The following COL4A5 variants were observed in gnomAD, a reference collection of about 807,000 sequenced individuals.
COL4A5 encodes the protein collagen type IV alpha 5 chain.
A neutral mutation model predicts 130.2 loss-of-function variants in COL4A5; 26 were observed. The ratio of observed to expected loss-of-function variants is 0.20; its 90% confidence interval spans 0.15 to 0.28. COL4A5 has a LOEUF of 0.28. COL4A5 is among the 10% of genes least tolerant of loss of function. The probability of loss-of-function intolerance (pLI) is 1.00; values close to 1 mark genes in which losing one functional copy is unlikely to be tolerated. For synonymous variants in COL4A5, 496 were observed against 439.6 expected (o/e 1.13, Z -1.60); for missense variants, 1,131 against 1,344.3 (o/e 0.84, Z 2.48).
intron 1 of COL4A5, among the ~76,000 whole-genome samples, chrX:108,450,896 A>G (rs780407276): frequency 2.7e-5 from 3 of 109,501 alleles, no homozygotes; most frequent in South Asian, 4.0e-4. Context: ...CATGTGCACA[A>G]TGTGCAGGTT....
At chrX:108,607,350 C>CAAA (rs558025535) in intron 29 of COL4A5, among the ~76,000 whole-genome samples, 1 of 49,734 alleles carries the variant, frequency 2.0e-5, no homozygotes, top group Non-Finnish European at 3.8e-5. Flanking sequence ...GACTTTGTCT[C>CAAA]AAAAAAAAAA....
At chrX:108,450,736 T>C (rs772082785) in intron 1 of COL4A5, among the ~76,000 whole-genome samples, 28 of 111,686 alleles carry the variant, frequency 2.5e-4, no homozygotes, top group Non-Finnish European at 4.5e-4. Flanking sequence ...AAATGACTAA[T>C]ACACAGTGTT....
At chrX:108,557,843 C>T (rs1404194181) in intron 2 of COL4A5, among the ~76,000 whole-genome samples, 1 of 110,348 alleles carries the variant, frequency 9.1e-6, no homozygotes, top group Non-Finnish European at 1.9e-5. Flanking sequence ...AGGCAGCCTT[C>T]GAGCCTTAGA....
chrX:108,607,545 G>C (rs757916406), intron 29 of COL4A5, among the ~76,000 whole-genome samples: 5 of 88,299 alleles, frequency 5.7e-5, no homozygotes, highest in Non-Finnish European at 1.1e-4. Context: ...GTGCAATGGC[G>C]TGATCTTGGC....
At chrX:108,539,696 A>G in intron 1 of COL4A5, 50 bp from the exon 2 acceptor site, 1 of 1,048,440 alleles carries the variant, frequency 9.5e-7, no homozygotes, top group Non-Finnish European at 1.3e-6. Context: ...TCAGAGTCTG[A>G]TTTTTGGGTT....
chrX:108,601,214 C>G (rs1255714231), intron 25 of COL4A5, among the ~76,000 whole-genome samples, 179 bp from the exon 26 acceptor site: 1 of 111,749 alleles, frequency 8.9e-6, no homozygotes, highest in Non-Finnish European at 1.9e-5. Flanking sequence ...TTTTGAAATT[C>G]TATCCTTCTG....
intron 18 of COL4A5, among the ~76,000 whole-genome samples, chrX:108,585,216 T>C (rs1169571206): frequency 1.8e-5 from 2 of 112,194 alleles, no homozygotes; most frequent in African/African-American, 6.5e-5. Context: ...GACTTCAAAC[T>C]GCATTGAAGC....
At position 108,697,295 on chromosome X, in the gene COL4A5, C is replaced by T. The variant is rs1423557430; in HGVS notation, c.*917C>T. The T allele has an allele frequency of 2.7e-5, 3 of 110,763 alleles. No individual in the cohort carries two copies. Among genetic ancestry groups the T allele is most frequent in the African/African-American group, 9.8e-5 (3 of 30,558 alleles). The allele number at this position is 110,763 out of a possible 1,213,427, so 9.1% of individuals were successfully genotyped here. A position where few individuals can be genotyped will look rare whatever the true frequency, so the allele number is the denominator to read the frequency against. On this transcript the variant is annotated 3_prime_UTR_variant, in exon 53 of 53. Coordinates refer to ENST00000328300, the MANE Select transcript of COL4A5 (RefSeq NM_033380.3). ...AACAAAAACACACACGCAGAATTAA[C>T]AATTCTTTTCCCTGTGCTTCTTATG...
At chrX:108,494,715 T>C (rs1175541102) in intron 1 of COL4A5, among the ~76,000 whole-genome samples, 4 of 111,314 alleles carry the variant, frequency 3.6e-5, no homozygotes, top group Non-Finnish European at 5.7e-5. Context: ...ATCCTATATG[T>C]TTTAAGATAT....
intron 1 of COL4A5, among the ~76,000 whole-genome samples, chrX:108,531,012 T>G (rs1317157563): frequency 4.9e-5 from 5 of 102,314 alleles, no homozygotes; most frequent in Non-Finnish European, 9.9e-5. Flanking sequence ...ATATACACCA[T>G]GGAATACTAT....
At chrX:108,507,013 A>G (rs1215008379) in intron 1 of COL4A5, among the ~76,000 whole-genome samples, 1 of 110,695 alleles carries the variant, frequency 9.0e-6, no homozygotes, top group African/African-American at 3.3e-5. Context: ...GATTCCCTGA[A>G]CAAACCAATA....
In COL4A5 at chrX:108,597,478, G is replaced by A; in HGVS notation, c.1689G>A (p.Leu563=). The part of the protein sequence containing the change: ...FPGMKGDKGE[L]GSPGAPGLPG... The stretch of plus-strand genomic sequence containing the variant: ...GAATGAAGGGTGACAAAGGAGAGTT[G>A]GGTTCCCCTGGAGCTCCAGGGCTTC... Residue 563 remains leucine, a synonymous_variant, in exon 24 of 53, where the codon TTG becomes TTA. Transcript: ENST00000328300. 8.3e-7 allele frequency: 1 copy of A among 1,210,226 alleles called. No individual in the cohort carries two copies. Among genetic ancestry groups the A allele is most frequent in the South Asian group, 1.8e-5 (1 of 56,910 alleles).
chrX:108,513,135 A>C (rs2065193364), intron 1 of COL4A5, among the ~76,000 whole-genome samples: 1 of 111,860 alleles, frequency 8.9e-6, no homozygotes, highest in African/African-American at 3.3e-5. Context: ...TTGGATTAAT[A>C]GCTGGGAGTG....
chrX:108,655,506 C>T, intron 37 of COL4A5, 49 bp downstream of exon 37: 6 of 1,187,087 alleles, frequency 5.1e-6, no homozygotes, highest in Non-Finnish European at 6.9e-6. Context: ...CTTATCTACT[C>T]CAACCAGTAT....
chrX:108,539,052 A>G (rs2065496312), intron 1 of COL4A5, among the ~76,000 whole-genome samples: 1 of 111,723 alleles, frequency 9.0e-6, no homozygotes, highest in African/African-American at 3.3e-5. Flanking sequence ...ATAGTGTTAT[A>G]TATTTTATGC....
intron 1 of COL4A5, among the ~76,000 whole-genome samples, chrX:108,530,576 A>G (rs2065372013): frequency 9.8e-6 from 1 of 101,686 alleles, no homozygotes; most frequent in Non-Finnish European, 2.0e-5. Context: ...AAAAGAAGAC[A>G]TTTATGCAGC....
At chrX:108,622,973 T>C (rs1460168065) in intron 33 of COL4A5, 148 bp downstream of exon 33, 3 of 543,676 alleles carry the variant, frequency 5.5e-6, no homozygotes, top group Non-Finnish European at 8.8e-6. Context: ...TAATTTTCAC[T>C]TCATTCATAC....
At chrX:108,673,952 G>C (rs1017494014) in intron 42 of COL4A5, among the ~76,000 whole-genome samples, 3 of 108,449 alleles carry the variant, frequency 2.8e-5, no homozygotes, top group African/African-American at 1.0e-4. Flanking sequence ...TGAGCCAGGA[G>C]AATCCCTAGA....
chrX:108,465,891 C>T (rs2064701270), intron 1 of COL4A5, among the ~76,000 whole-genome samples: 1 of 111,100 alleles, frequency 9.0e-6, no homozygotes, highest in African/African-American at 3.3e-5. Flanking sequence ...TATGTGACCA[C>T]TTCTACCTAG....
Sources: allele counts gnomAD v4.1 joint callset (sites outside exome capture counted in the v4.1 genomes callset), GRCh38; gene constraint gnomAD v4.1.1; transcripts MANE v1.5; gene names NCBI Gene and HGNC (gene_info 2026-07-23, HGNC 2026-07-21).